UNC13C: variants seen among roughly 807,000 people sequenced by gnomAD.
UNC13C encodes protein unc-13 homolog C.
In UNC13C, 174 loss-of-function variants were observed where a neutral mutation model predicts 245.4. The observed-to-expected ratio is 0.71, with a 90% CI of 0.63 to 0.80. The LOEUF (loss-of-function observed/expected upper bound fraction) is 0.80. Among genes scored for constraint, UNC13C ranks in the 30% least tolerant of loss-of-function variants. The probability of loss-of-function intolerance (pLI) is 0.00; values close to 1 mark genes in which losing one functional copy is unlikely to be tolerated. For missense variants in UNC13C, 2,829 were observed against 2,602.9 expected, an observed-to-expected ratio of 1.09 and a Z score of -1.89; for synonymous variants, 992 against 895.1, an observed-to-expected ratio of 1.11 and a Z score of -1.93.
chr15:54,495,253 C>T (rs934432369), intron 20 of UNC13C, among the ~76,000 whole-genome samples: 1 of 152,004 alleles, frequency 6.6e-6, no homozygotes, highest in Non-Finnish European at 1.5e-5. Context: ...CTGTTTTATT[C>T]TATTGATGGG....
At chr15:54,452,058 C>T (rs1038355864) in intron 19 of UNC13C, among the ~76,000 whole-genome samples, 8 of 152,164 alleles carry the variant, frequency 5.3e-5, no homozygotes, top group African/African-American at 1.9e-4. Context: ...CTGTGATTTC[C>T]TCAGTGACTT....
chr15:54,239,907 G>A (rs550425254), intron 7 of UNC13C, among the ~76,000 whole-genome samples: 135 of 152,274 alleles, frequency 8.9e-4, no homozygotes, highest in Middle Eastern at 6.8e-3. Context: ...AAATAATAAA[G>A]TCTGAAGAAT....
At chr15:54,612,582 C>G (rs1900173254) in intron 30 of UNC13C, among the ~76,000 whole-genome samples, 1 of 151,942 alleles carries the variant, frequency 6.6e-6, no homozygotes, top group South Asian at 2.1e-4. Flanking sequence ...ATAGTAAAAA[C>G]TCCTCCTAGA....
intron 27 of UNC13C, 49 bp from the exon 28 acceptor site, chr15:54,549,586 A>G: frequency 7.3e-7 from 1 of 1,365,822 alleles, no homozygotes; most frequent in Non-Finnish European, 1.0e-6. Flanking sequence ...TGTGACTAAT[A>G]CTGAATATCT....
intron 26 of UNC13C, among the ~76,000 whole-genome samples, chr15:54,543,191 C>G (rs1030447190): frequency 2.0e-5 from 3 of 152,098 alleles, no homozygotes; most frequent in African/African-American, 7.2e-5. Context: ...TAAGGCAGAC[C>G]TGGTGGTGAC....
At chr15:54,218,471 G>A (rs1480803308) in intron 4 of UNC13C, among the ~76,000 whole-genome samples, 1 of 151,900 alleles carries the variant, frequency 6.6e-6, no homozygotes, top group Non-Finnish European at 1.5e-5. Flanking sequence ...ACCAGTAGAG[G>A]GAATGGTGGA....
intron 2 of UNC13C, among the ~76,000 whole-genome samples, chr15:54,113,503 G>A (rs960055278): frequency 1.3e-5 from 2 of 152,100 alleles, no homozygotes; most frequent in Admixed American, 1.3e-4. Context: ...AAGTCTTTCC[G>A]GGGGTAATCA....
intron 17 of UNC13C, among the ~76,000 whole-genome samples, chr15:54,368,627 C>G (rs1034756035): frequency 1.3e-5 from 2 of 152,002 alleles, no homozygotes; most frequent in Non-Finnish European, 2.9e-5. Flanking sequence ...TCAGTTCCCC[C>G]ACCCCACAGC....
intron 4 of UNC13C, among the ~76,000 whole-genome samples, chr15:54,196,376 T>C (rs1595986703): frequency 6.6e-6 from 1 of 150,944 alleles, no homozygotes; most frequent in South Asian, 2.1e-4. Context: ...CCTCCAGAAA[T>C]GAGACTTTAT....
intron 2 of UNC13C, among the ~76,000 whole-genome samples, chr15:54,017,740 T>A (rs887832039): frequency 1.3e-5 from 2 of 152,122 alleles, no homozygotes; most frequent in Non-Finnish European, 2.9e-5. Flanking sequence ...ATCCAGTGAG[T>A]GGCACTTAAC....
chr15:54,450,177 C>T (rs1432951599), intron 19 of UNC13C, among the ~76,000 whole-genome samples: 2 of 152,206 alleles, frequency 1.3e-5, no homozygotes, highest in Non-Finnish European at 2.9e-5. Flanking sequence ...GTCAGTCTTC[C>T]CCTACTGGGG....
intron 4 of UNC13C, among the ~76,000 whole-genome samples, chr15:54,172,705 TATATATATATATATATATATATATA>T (rs1199773199): frequency 7.5e-5 from 3 of 39,946 alleles, no homozygotes; most frequent in Admixed American, 2.6e-4. Context: ...CACACACAGA[TATATATATATATATATATATATATA>T]TATATATATA....
intron 4 of UNC13C, among the ~76,000 whole-genome samples, chr15:54,147,365 G>C (rs544971641): frequency 6.6e-6 from 1 of 151,728 alleles, no homozygotes; most frequent in Non-Finnish European, 1.5e-5. Context: ...GACTACAGGC[G>C]CCCTCCACCA....
chr15:54,220,656 A>C (rs770679455), intron 4 of UNC13C, among the ~76,000 whole-genome samples: 3 of 152,028 alleles, frequency 2.0e-5, no homozygotes, highest in Non-Finnish European at 4.4e-5. Context: ...TTTATTAAAA[A>C]TATTGGTAGC....
intron 26 of UNC13C, among the ~76,000 whole-genome samples, chr15:54,541,149 T>G (rs7165630): frequency 0.039 from 5,952 of 152,146 alleles, 386 homozygotes; most frequent in African/African-American, 0.14. Context: ...CTTTCACATA[T>G]TTTTATATAT....
chr15:54,426,264 C>G (rs973569903), intron 19 of UNC13C, among the ~76,000 whole-genome samples: 1 of 150,266 alleles, frequency 6.7e-6, no homozygotes, highest in Non-Finnish European at 1.5e-5. Flanking sequence ...ATGAAAGTGT[C>G]ATACAGGACT....
intron 24 of UNC13C, among the ~76,000 whole-genome samples, chr15:54,520,833 T>A (rs1035764715): frequency 2.0e-5 from 3 of 152,148 alleles, no homozygotes; most frequent in East Asian, 1.9e-4. Context: ...AACTAATGAA[T>A]GTTTAGGAGA....
In UNC13C at chr15:54,086,155, A is replaced by G. The variant is rs752617101; in HGVS notation, c.2984-56863A>G. 1.8e-4 allele frequency among the ~76,000 whole-genome samples: 27 copies of G among 152,160 alleles called. 1 individual carries two copies. Among genetic ancestry groups the G allele is most frequent in the Non-Finnish European group, 2.6e-4 (18 of 68,046 alleles). ...TATTCACCTTATAGTGCTGCAGAAC[A>G]TCAGACACATTTGGTCTATCTAGCT... On this transcript the variant is annotated intron_variant, in intron 2 of 32. Coordinates refer to ENST00000260323, the MANE Select transcript of UNC13C (RefSeq NM_001080534.3).
At chr15:54,086,361 T>C in intron 2 of UNC13C, among the ~76,000 whole-genome samples, 1 of 152,208 alleles carries the variant, frequency 6.6e-6, no homozygotes, top group Admixed American at 6.5e-5. Context: ...TTTTTTTCCT[T>C]TGCAAAAGGG....
Sources: gnomAD v4.1 joint callset for allele counts (sites outside exome capture counted in the v4.1 genomes callset) on GRCh38, gnomAD v4.1.1 for gene constraint, MANE v1.5 for transcripts, NCBI Gene and HGNC (gene_info 2026-07-23, HGNC 2026-07-21) for gene names.